Variants in STARD8 observed in about 807,000 individuals in gnomAD.
STARD8 encodes stAR-related lipid transfer protein 8.
A neutral mutation model predicts 69.4 loss-of-function variants in STARD8; 25 were observed. The ratio of observed to expected loss-of-function variants is 0.36; its 90% CI spans 0.26 to 0.50. STARD8 has a LOEUF of 0.50. Ranked by LOEUF, STARD8 falls within the 20% of genes least tolerant of loss-of-function variation. STARD8 has a pLI of 0.96. For missense variants in STARD8, 921 were observed against 932.5 expected, an observed-to-expected ratio of 0.99 and a Z score of 0.16; for synonymous variants, 389 against 374.6, an observed-to-expected ratio of 1.04 and a Z score of -0.45.
chrX:68,653,094 A>C (rs956297745), intron 1 of STARD8, among the ~76,000 whole-genome samples: 17 of 25,397 alleles, frequency 6.7e-4, no homozygotes, highest in East Asian at 1.2e-3. Flanking sequence ...ACCACACACC[A>C]CACACACCAC....
chrX:68,703,867 C>A (rs1460790442), intron 2 of STARD8, among the ~76,000 whole-genome samples: 2 of 111,487 alleles, frequency 1.8e-5, no homozygotes, highest in East Asian at 5.7e-4. Context: ...ATGCCTCCAC[C>A]ATCAAGCAGA....
chrX:68,656,228 A>G (rs2079609585), intron 1 of STARD8: 1 of 112,307 alleles, frequency 8.9e-6, no homozygotes, highest in Non-Finnish European at 1.9e-5. Flanking sequence ...AAAAGAAGAC[A>G]TTTATGCCGC....
chrX:68,656,272 G>A (rs951229822), intron 1 of STARD8: 4 of 111,888 alleles, frequency 3.6e-5, no homozygotes, highest in African/African-American at 1.3e-4. Context: ...CATCATCACT[G>A]GCCATCAGAG....
Position 68,722,573 on chromosome X carries a change from G to A in STARD8, c.2726G>A (p.Arg909His), listed in dbSNP as rs776795450. 8.1e-5 allele frequency: 98 copies of A among 1,210,749 alleles called. No individual in the cohort carries two copies. In the East Asian group the frequency reaches 2.4e-3, roughly 30 times the overall value. Residue 909 changes from arginine (R) to histidine (H), a missense_variant, in exon 12 of 15, where the codon CGT (arginine) becomes CAT (histidine). Physicochemically the swap from Arg to His is conservative, Grantham distance 29 (BLOSUM62 0). Transcript: ENST00000374599. ...GAAGAGAATATCCAGGACCTGCTGC[G>A]TGATGCTGCTGAGCGCTTCAAGGGC... ...YMEENIQDLL[R>H]DAAERFKGWM...
At chrX:68,679,364 G>C (rs1447671979) in intron 2 of STARD8, among the ~76,000 whole-genome samples, 2 of 111,349 alleles carry the variant, frequency 1.8e-5, no homozygotes, top group African/African-American at 3.3e-5. Flanking sequence ...GATAGGCTTT[G>C]AGGCTCTTCC....
At chrX:68,674,225 G>A (rs372467996) in intron 2 of STARD8, among the ~76,000 whole-genome samples, 8 of 107,146 alleles carry the variant, frequency 7.5e-5, no homozygotes, top group Non-Finnish European at 1.2e-4. Context: ...ACACAGAGGC[G>A]GAGGTTGCAG....
At chrX:68,668,402 G>A (rs1446716446) in intron 2 of STARD8, among the ~76,000 whole-genome samples, 1 of 104,706 alleles carries the variant, frequency 9.6e-6, no homozygotes, top group Non-Finnish European at 1.9e-5. Context: ...AGCTCACTGC[G>A]GCCTTAATCT....
rs760634201 is a variant in STARD8, at chrX:68,724,182, C to T, written c.3194+61C>T. ...GCCTTGACCCCCTCCCCTGCCTCTG[C>T]CCCTACTTTCTGCCCCATGCTATTG... On this transcript the variant is annotated intron_variant, in intron 14 of 14. Transcript: ENST00000374599. The T allele has an allele frequency of 1.3e-5, 15 of 1,177,329 alleles. 1 individual carries two copies. Among genetic ancestry groups the T allele is most frequent in the Non-Finnish European group, 1.7e-5 (15 of 871,718 alleles).
At chrX:68,701,274 G>T (rs1054637656) in intron 2 of STARD8, among the ~76,000 whole-genome samples, 8 of 112,899 alleles carry the variant, frequency 7.1e-5, no homozygotes, top group African/African-American at 2.6e-4. Flanking sequence ...CATAAGGTAG[G>T]TACTGCTATC....
intron 2 of STARD8, among the ~76,000 whole-genome samples, chrX:68,694,552 C>G (rs965547038): frequency 9.0e-6 from 1 of 111,626 alleles, no homozygotes; most frequent in South Asian, 3.7e-4. Flanking sequence ...ACTCAGGAAA[C>G]TGGGGTTCAG....
intron 2 of STARD8, among the ~76,000 whole-genome samples, chrX:68,711,855 G>A (rs2080053495): frequency 1.8e-5 from 2 of 112,420 alleles, no homozygotes; most frequent in Admixed American, 1.9e-4. Flanking sequence ...GTTGGGGGCA[G>A]GACTCCATGG....
chrX:68,711,503 A>C (rs1208009740), intron 2 of STARD8, among the ~76,000 whole-genome samples: 1 of 111,657 alleles, frequency 9.0e-6, no homozygotes, highest in Admixed American at 9.5e-5. Context: ...ATTTGCCCCC[A>C]AAACCTGCAG....
rs200556349 is a variant in STARD8, at chrX:68,717,489, G to A, written c.575G>A (p.Gly192Asp). ...SDRPLLSPTQ[G>D]QEGPQDKAKK... ...CGGCCCCTCCTCAGCCCCACCCAGG[G>A]CCAGGAGGGTCCCCAGGACAAAGCC... The change falls in exon 6 of 15, where the codon GGC (glycine) becomes GAC (aspartate). Residue 192 changes from glycine to aspartate, a missense_variant. Gly to Asp is a moderately conservative substitution (Grantham distance 94). Transcript: ENST00000374599. 8.3e-7 allele frequency: 1 copy of A among 1,208,615 alleles called. No homozygotes were observed. The highest frequency in any genetic ancestry group is 3.0e-5 in the East Asian group (1 of 33,703).
chrX:68,666,756 C>T (rs1389259034), intron 2 of STARD8, among the ~76,000 whole-genome samples: 1 of 112,332 alleles, frequency 8.9e-6, no homozygotes, highest in African/African-American at 3.2e-5. Flanking sequence ...CACTTCCCCA[C>T]CCTGCCTTTC....
At chrX:68,665,622 C>A in intron 2 of STARD8, 90 bp downstream of exon 2, 1 of 988,372 alleles carries the variant, frequency 1.0e-6, no homozygotes. Flanking sequence ...GGTCCCTGGG[C>A]AGCAGAGCCA....
intron 2 of STARD8, among the ~76,000 whole-genome samples, chrX:68,703,960 CAT>C (rs756781506): frequency 2.7e-5 from 3 of 112,048 alleles, no homozygotes; most frequent in South Asian, 3.7e-4. Context: ...GAGGTGAAGA[CAT>C]GTGCTCAATT....
chrX:68,661,944 TCCTC>T (rs2079648617), intron 1 of STARD8, among the ~76,000 whole-genome samples: 5 of 68,317 alleles, frequency 7.3e-5, no homozygotes, highest in Non-Finnish European at 1.2e-4. Context: ...CCTCCCTCCT[TCCTC>T]TCTCTCTCTC....
intron 1 of STARD8, among the ~76,000 whole-genome samples, chrX:68,653,168 A>T (rs2079575662): frequency 1.8e-5 from 1 of 54,638 alleles, no homozygotes; most frequent in African/African-American, 7.4e-5. Context: ...CACACACACC[A>T]CACACACACA....
At chrX:68,661,966 CTCTCTCTTTCTTTCTTTCTT>C (rs1399423031) in intron 1 of STARD8, among the ~76,000 whole-genome samples, 52 of 71,935 alleles carry the variant, frequency 7.2e-4, no homozygotes, top group African/African-American at 3.5e-3. Context: ...CTCTCTCTCT[CTCTCTCTTTCTTTCTTTCTT>C]TCTTTCTTTC....
Sources: allele counts gnomAD v4.1 joint callset (sites outside exome capture counted in the v4.1 genomes callset), GRCh38; gene constraint gnomAD v4.1.1; transcripts MANE v1.5; gene names NCBI Gene and HGNC (gene_info 2026-07-23, HGNC 2026-07-21).